SLC17A8: variants seen among roughly 807,000 people sequenced by gnomAD.
The protein encoded by SLC17A8 is vesicular glutamate transporter 3.
In SLC17A8, 31 loss-of-function variants were observed where a neutral mutation model predicts 58.0. That is an observed-to-expected ratio of 0.53 (90% CI 0.40 to 0.72). The LOEUF (loss-of-function observed/expected upper bound fraction) is 0.72. Ranked by LOEUF, SLC17A8 falls within the 30% of genes least tolerant of loss-of-function variation. The pLI is 0.00. For synonymous variants in SLC17A8, 228 were observed against 249.0 expected, an observed-to-expected ratio of 0.92 and a Z score of 0.79; for missense variants, 655 against 727.8, an observed-to-expected ratio of 0.90 and a Z score of 1.15.
intron 11 of SLC17A8, 97 bp downstream of exon 11, chr12:100,418,253 G>A: frequency 6.7e-7 from 1 of 1,482,558 alleles, no homozygotes; most frequent in Admixed American, 1.7e-5. Flanking sequence ...CTGTAAATGT[G>A]TATGTCCTTG....
At chr12:100,383,985 C>T (rs1952655621) in intron 2 of SLC17A8, among the ~76,000 whole-genome samples, 1 of 152,186 alleles carries the variant, frequency 6.6e-6, no homozygotes, top group African/African-American at 2.4e-5. Context: ...GACAAGCATG[C>T]ACCACTGTGC....
At chr12:100,395,744 T>C (rs1593000418) in intron 4 of SLC17A8, among the ~76,000 whole-genome samples, 4 of 151,984 alleles carry the variant, frequency 2.6e-5, no homozygotes, top group African/African-American at 4.8e-5. Flanking sequence ...TCCCAAGTAG[T>C]TGGGATTACA....
At chr12:100,404,899 C>A (rs1314340873) in intron 9 of SLC17A8, among the ~76,000 whole-genome samples, 4 of 152,152 alleles carry the variant, frequency 2.6e-5, no homozygotes, top group African/African-American at 9.7e-5. Flanking sequence ...CGGAGCCTAC[C>A]GCCAAAGCTC....
In SLC17A8 at chr12:100,419,997, T is replaced by A; in HGVS notation, c.1608T>A (p.His536Gln). The A allele has an allele frequency of 6.2e-7, 1 of 1,613,980 alleles. No homozygotes were observed. The highest frequency in any genetic ancestry group is 1.1e-5 in the South Asian group (1 of 91,064). The change falls in exon 12 of 12, where the codon CAT becomes CAA. Residue 536 changes from histidine to glutamine, a missense_variant. Physicochemically the swap from His to Gln is conservative, Grantham distance 24 (BLOSUM62 0). Transcript: ENST00000323346. ...DELAEEIELN[H>Q]ESFASPKKKM... ...TAGCTGAGGAGATAGAACTCAACCA[T>A]GAGAGTTTTGCGAGTCCCAAAAAGA...
chr12:100,405,403 G>A (rs1952820156), intron 9 of SLC17A8, among the ~76,000 whole-genome samples: 1 of 152,018 alleles, frequency 6.6e-6, no homozygotes, highest in Non-Finnish European at 1.5e-5. Flanking sequence ...CTTTGCAGGT[G>A]GGATTAAATT....
chr12:100,381,404 G>C (rs1952636680), intron 2 of SLC17A8, among the ~76,000 whole-genome samples: 1 of 151,918 alleles, frequency 6.6e-6, no homozygotes. Context: ...GTGCCACGTT[G>C]GAGGTACACA....
Position 100,404,161 on chromosome 12 carries a change from A to G in SLC17A8, c.1177A>G (p.Asn393Asp). ...LTTTAVRKIMNCGGFGMEATL... is the reference protein window; with the variant it reads ...LTTTAVRKIMDCGGFGMEATL... ...CACAACTGCTGTCAGAAAAATCATG[A>G]ACTGTGGAGGTACTGTGGATTTCAT... Residue 393 changes from asparagine (N) to aspartate (D), a missense_variant, in exon 9 of 12, where the codon AAC becomes GAC. Asn to Asp is a conservative substitution (Grantham distance 23). Transcript: ENST00000323346. 6.2e-7 allele frequency: 1 copy of G among 1,614,200 alleles called. No individual in the cohort carries two copies. The highest frequency in any genetic ancestry group is 8.5e-7 in the Non-Finnish European group (1 of 1,180,032).
intron 2 of SLC17A8, among the ~76,000 whole-genome samples, chr12:100,385,140 G>C (rs1592995421): frequency 6.6e-6 from 1 of 151,750 alleles, no homozygotes; most frequent in East Asian, 1.9e-4. Context: ...GTGTGAGAGA[G>C]AGAGAGAGAG....
At chr12:100,379,184 C>A (rs1952614797) in intron 1 of SLC17A8, among the ~76,000 whole-genome samples, 1 of 151,582 alleles carries the variant, frequency 6.6e-6, no homozygotes, top group South Asian at 2.1e-4. Context: ...CGCCTGTAAT[C>A]CCAGCACTTT....
chr12:100,379,987 TCGGGAGTTTGAGA>T (rs1952622173), intron 1 of SLC17A8, among the ~76,000 whole-genome samples: 1 of 151,800 alleles, frequency 6.6e-6, no homozygotes, highest in South Asian at 2.1e-4. Flanking sequence ...ATCATCTGAG[TCGGGAGTTTGAGA>T]CCAGCCTGAC....
intron 9 of SLC17A8, 101 bp downstream of exon 9, chr12:100,404,271 G>T: frequency 6.8e-7 from 1 of 1,467,626 alleles, no homozygotes; most frequent in Non-Finnish European, 9.5e-7. Flanking sequence ...CATTGGAGTG[G>T]ATCTTAAAGA....
chr12:100,374,661 C>T (rs1470905925), intron 1 of SLC17A8, among the ~76,000 whole-genome samples: 2 of 151,976 alleles, frequency 1.3e-5, no homozygotes, highest in African/African-American at 4.8e-5. Context: ...GAGCCCCCTG[C>T]CTGGGGGAAG....
intron 10 of SLC17A8, among the ~76,000 whole-genome samples, chr12:100,415,400 C>T (rs895667921): frequency 4.7e-5 from 7 of 149,222 alleles, no homozygotes; most frequent in Admixed American, 2.7e-4. Flanking sequence ...CACCACTGCA[C>T]TCCAGCCTGG....
At chr12:100,383,876 A>G (rs1036850246) in intron 2 of SLC17A8, among the ~76,000 whole-genome samples, 7 of 152,058 alleles carry the variant, frequency 4.6e-5, no homozygotes, top group Middle Eastern at 3.2e-3. Flanking sequence ...CTAATTAAAA[A>G]AAATTTTTTT....
chr12:100,371,562 C>G (rs746490857), intron 1 of SLC17A8, among the ~76,000 whole-genome samples: 5 of 152,000 alleles, frequency 3.3e-5, no homozygotes, highest in South Asian at 2.1e-4. Flanking sequence ...GTTTTCTTTT[C>G]TTTTGTTTTG....
intron 9 of SLC17A8, among the ~76,000 whole-genome samples, chr12:100,405,280 A>G (rs1952819474): frequency 6.6e-6 from 1 of 152,168 alleles, no homozygotes; most frequent in Non-Finnish European, 1.5e-5. Context: ...CAGGAGGTGA[A>G]GCTCTGGGAC....
intron 9 of SLC17A8, among the ~76,000 whole-genome samples, chr12:100,409,572 A>T (rs557488698): frequency 7.2e-5 from 11 of 152,268 alleles, no homozygotes; most frequent in African/African-American, 2.4e-4. Flanking sequence ...AACACAAATG[A>T]AAAGTTACAA....
chr12:100,379,253 G>T (rs1952615714), intron 1 of SLC17A8, among the ~76,000 whole-genome samples: 1 of 151,950 alleles, frequency 6.6e-6, no homozygotes, highest in South Asian at 2.1e-4. Context: ...TGGCTAACAC[G>T]GTGAAACCCC....
In SLC17A8 at chr12:100,390,992, C is replaced by T. The variant is rs1224404805; in HGVS notation, c.355-9C>T. 2.5e-6 allele frequency: 4 copies of T among 1,582,376 alleles called. No homozygotes were observed. In the East Asian group the frequency reaches 8.9e-5, roughly 35 times the overall value. On this transcript the variant is annotated splice_polypyrimidine_tract_variant and intron_variant, in intron 2 of 11. Transcript: ENST00000323346. ...ACAAACACAACTATATCTGATTTCT[C>T]ATTTCCAGACAGCACAGTTTAACTG...
Sources: allele counts gnomAD v4.1 joint callset (sites outside exome capture counted in the v4.1 genomes callset), GRCh38; gene constraint gnomAD v4.1.1; transcripts MANE v1.5; gene names NCBI Gene and HGNC (gene_info 2026-07-23, HGNC 2026-07-21).